Variants in EPHB6 observed in about 807,000 individuals in gnomAD.
EPHB6 encodes the protein EPH receptor B6.
In EPHB6, 51 loss-of-function variants were observed where a neutral mutation model predicts 107.0. The observed-to-expected ratio is 0.48, with a 90% CI of 0.38 to 0.60. The LOEUF (loss-of-function observed/expected upper bound fraction) is 0.60. Among genes scored for constraint, EPHB6 ranks in the 20% least tolerant of loss-of-function variants. The pLI is 0.00. For missense variants in EPHB6, 1,141 were observed against 1,355.5 expected (o/e 0.84, Z 2.48); for synonymous variants, 553 against 549.0 (o/e 1.01, Z -0.10).
chr7:142,856,036 G>A (rs770017733), intron 1 of EPHB6, among the ~76,000 whole-genome samples: 2 of 152,182 alleles, frequency 1.3e-5, no homozygotes, highest in Non-Finnish European at 2.9e-5. Context: ...TTGGCCGTCT[G>A]GCACCCTCTC....
rs776400991 is a variant in EPHB6 at position 142,870,869 on chromosome 7, C to T, written c.3034C>T (p.Gln1012Ter). The T allele has an allele frequency of 1.9e-6, 3 of 1,614,044 alleles. No homozygotes were observed. The highest frequency in any genetic ancestry group is 1.1e-5 in the South Asian group (1 of 91,080). The part of the protein sequence containing the change: ...KLLHHIQLLQ[Q>*]HLRQQGSVEV ...GCTGCACCACATCCAGCTCCTTCAG[C>T]AACACCTGAGGCAGCAGGGCTCAGT... is the stretch of plus-strand genomic sequence containing the variant. The change falls in exon 20 of 20, where the codon CAA becomes TAA. Residue 1012 changes from glutamine (Q) to a stop codon, truncating the protein, a stop_gained. Coordinates refer to ENST00000652003, the MANE Select transcript of EPHB6 (RefSeq NM_004445.6). LOFTEE classifies it high-confidence loss of function.
At position 142,864,394 on chromosome 7, in the gene EPHB6, A is replaced by G; in HGVS notation, c.594A>G (p.Lys198=). 1.2e-6 allele frequency: 2 copies of G among 1,612,908 alleles called. No individual in the cohort carries two copies. Among genetic ancestry groups the G allele is most frequent in the Non-Finnish European group, 1.7e-6 (2 of 1,179,662 alleles). Residue 198 remains lysine (K), a synonymous_variant, in exon 7 of 20, where the codon AAA becomes AAG. Coordinates refer to ENST00000652003, the MANE Select transcript of EPHB6 (RefSeq NM_004445.6). ...GGGCTGGACTGCAACTGAACGTCAA[A>G]GAGCGGAGCTTTGGGCCTCTCACCC... ...GQRAGLQLNV[K]ERSFGPLTQR...
rs1372945583 is a variant in EPHB6 at position 142,867,896 on chromosome 7, C to T, written c.1866-101C>T. The T allele has an allele frequency of 1.4e-5, 21 of 1,518,576 alleles. No homozygotes were observed. In the East Asian group the frequency reaches 4.9e-4, roughly 35 times the overall value. The allele number at this position is 1,518,576 out of a possible 1,614,324, so 94.1% of individuals were successfully genotyped here. Reference sequence around the variant, plus strand: ...GGGCAGGAGGGCCAGGCTGTCGTCCCCCCTCCACAGACCGACTAAAGAGCA... The same window carrying T: ...GGGCAGGAGGGCCAGGCTGTCGTCCTCCCTCCACAGACCGACTAAAGAGCA... On this transcript the variant is annotated intron_variant, in intron 12 of 19. Transcript: ENST00000652003. The surrounding 1 kb of genome is among the most constrained non-coding windows in gnomAD (Gnocchi z 5.3).
intron 1 of EPHB6, among the ~76,000 whole-genome samples, chr7:142,857,449 G>A (rs1051582127): frequency 6.6e-6 from 1 of 152,202 alleles, no homozygotes; most frequent in Admixed American, 6.5e-5. Context: ...AGAGGCTTTG[G>A]CATTAAACTG....
chr7:142,857,717 T>G (rs1802668516), intron 1 of EPHB6, among the ~76,000 whole-genome samples: 1 of 152,264 alleles, frequency 6.6e-6, no homozygotes. Context: ...CCCTTTACTA[T>G]GTGTTCCCAG....
In EPHB6 at chr7:142,869,290, G is replaced by T; in HGVS notation, c.2460+143G>T. 1 of 954,174 alleles carries T rather than the reference G, an allele frequency of 1.0e-6. No individual in the cohort carries two copies. The highest frequency in any genetic ancestry group is 1.6e-6 in the Non-Finnish European group (1 of 642,266). 59.1% of individuals were successfully genotyped at this position (954,174 alleles called of 1,614,324 possible). On this transcript the variant is annotated intron_variant, in intron 16 of 19. Transcript: ENST00000652003. The surrounding 1 kb of genome is among the most constrained non-coding windows in gnomAD (Gnocchi z 4.5). ...TGAAAGGAGGGAGGCTCTCCTGTGTGATGGGGAGATGAAAGCCTAGGCGAC... is the reference window on the plus strand; with the variant it reads ...TGAAAGGAGGGAGGCTCTCCTGTGTTATGGGGAGATGAAAGCCTAGGCGAC...
In EPHB6 at chr7:142,869,930, T is replaced by G; in HGVS notation, c.2574T>G (p.Tyr858Ter). The change falls in exon 17 of 20, where the codon TAT (tyrosine) becomes TAG (stop). Residue 858 changes from tyrosine (Y) to a stop codon, truncating the protein, a stop_gained. Coordinates refer to ENST00000652003, the MANE Select transcript of EPHB6 (RefSeq NM_004445.6). LOFTEE classifies it high-confidence loss of function. This position sits in a 1 kb window ranked among gnomAD's most constrained non-coding sequence, Gnocchi z 4.5. ...TACTCATGTGGGAAGTGATGAGTTATGGAGAACGGCCTTACTGGGACATGA... is the reference window on the plus strand; with the variant it reads ...TACTCATGTGGGAAGTGATGAGTTAGGGAGAACGGCCTTACTGGGACATGA... ...FGILMWEVMS[Y>*]GERPYWDMSE... 6.2e-7 allele frequency: 1 copy of G among 1,614,188 alleles called. No individual in the cohort carries two copies.
rs931160663 is a variant in EPHB6 at position 142,868,473 on chromosome 7, C to A, written c.2039-19C>A. 1 of 1,614,080 alleles carries A rather than the reference C, an allele frequency of 6.2e-7. No homozygotes were observed. The highest frequency in any genetic ancestry group is 1.7e-5 in the Admixed American group (1 of 60,026). ...CTGTGAGCCTTGATCCCCACCCCAA[C>A]CTACACCTATTTTCCCAGGCTCTTT... On this transcript the variant is annotated intron_variant, in intron 14 of 19. Transcript: ENST00000652003. The surrounding 1 kb of genome is among the most constrained non-coding windows in gnomAD (Gnocchi z 4.2).
At chr7:142,858,668 G>T (rs1285756576) in intron 1 of EPHB6, among the ~76,000 whole-genome samples, 1 of 148,034 alleles carries the variant, frequency 6.8e-6, no homozygotes, top group Non-Finnish European at 1.5e-5. Context: ...GGACGGTCTC[G>T]ATCTCCTGAT....
In EPHB6 at chr7:142,867,955, G is replaced by A. The variant is rs774476761; in HGVS notation, c.1866-42G>A. 9 of 1,553,386 alleles carry A rather than the reference G, an allele frequency of 5.8e-6. No individual in the cohort carries two copies. In the East Asian group the frequency reaches 1.9e-4, roughly 34 times the overall value. On this transcript the variant is annotated intron_variant, in intron 12 of 19. Coordinates refer to ENST00000652003, the MANE Select transcript of EPHB6 (RefSeq NM_004445.6). This position sits in a 1 kb window ranked among gnomAD's most constrained non-coding sequence, Gnocchi z 5.3. ...GGTGACAAGGGGGCAGCAAGGGGGT[G>A]GAAATGGGAGCGTCATCCCCAGTCA...
rs769469379 is a variant in EPHB6 at position 142,866,107 on chromosome 7, CCAG to C, written c.1255_1257del (p.Ser419del). ...GAGTGTGAAGGCCGCCAGGAACCTG[CCAG>C]CGGTGGTGGGGGCACTTGTCACCGC... On this transcript the variant is annotated inframe_deletion, in exon 9 of 20. Coordinates refer to ENST00000652003, the MANE Select transcript of EPHB6 (RefSeq NM_004445.6). The surrounding 1 kb of genome is among the most constrained non-coding windows in gnomAD (Gnocchi z 5.2). The C allele has an allele frequency of 6.6e-5, 107 of 1,612,772 alleles. No homozygotes were observed. Among genetic ancestry groups the C allele is most frequent in the Non-Finnish European group, 8.6e-5 (101 of 1,179,462 alleles).
chr7:142,865,543 C>T lies in EPHB6; in HGVS notation c.1018C>T (p.His340Tyr). 6.2e-7 allele frequency: 1 copy of T among 1,613,620 alleles called. No homozygotes were observed. The highest frequency in any genetic ancestry group is 8.5e-7 in the Non-Finnish European group (1 of 1,180,006). The change falls in exon 8 of 20, where the codon CAC becomes TAC. Residue 340 changes from histidine (H) to tyrosine (Y), a missense_variant. By Grantham distance (83) the His-to-Tyr change is moderately conservative (BLOSUM62 2). Around this residue, in one of 3 missense-constraint regions of EPHB6, gnomAD observed 304 missense variants for 295.7 expected, o/e 1.03. Transcript: ENST00000652003. ...CTGCTCACCATGCCCTGCCCGCAGT[C>T]ACGCTCCCAACCCAGCAGCCCCCGT... is the stretch of plus-strand genomic sequence containing the variant. ...APCSPCPARS[H>Y]APNPAAPVCP...
chr7:142,867,431 A>C lies in EPHB6; in HGVS notation c.1751-177A>C. 3.0e-6 allele frequency: 2 copies of C among 672,972 alleles called. No homozygotes were observed. The highest frequency in any genetic ancestry group is 4.2e-5 in the Admixed American group (2 of 47,986). 41.7% of individuals were successfully genotyped at this position (672,972 alleles called of 1,614,324 possible). A position where few individuals can be genotyped will look rare whatever the true frequency, so the allele number is the denominator to read the frequency against. ...GTGTGTTGTGTGTCCCTGTGTGTGG[A>C]TGTGGGAGGGCTGTGGGCGTGTGTG... is the stretch of plus-strand genomic sequence containing the variant. On this transcript the variant is annotated intron_variant, in intron 11 of 19. Coordinates refer to ENST00000652003, the MANE Select transcript of EPHB6 (RefSeq NM_004445.6). The surrounding 1 kb of genome is among the most constrained non-coding windows in gnomAD (Gnocchi z 5.3).
intron 1 of EPHB6, among the ~76,000 whole-genome samples, chr7:142,856,861 A>C (rs8177111): frequency 1.3e-5 from 2 of 152,190 alleles, no homozygotes; most frequent in Non-Finnish European, 2.9e-5. Context: ...AACAGCCCCC[A>C]TCTACACAGA....
chr7:142,870,169 T>C (rs1298114259), intron 17 of EPHB6, 45 bp from the exon 18 acceptor site: 2 of 1,612,738 alleles, frequency 1.2e-6, no homozygotes, highest in East Asian at 2.2e-5. Context: ...TACTCCCCTC[T>C]ACTAACAAAA....
At chr7:142,856,897 C>T (rs1802636771) in intron 1 of EPHB6, among the ~76,000 whole-genome samples, 1 of 152,204 alleles carries the variant, frequency 6.6e-6, no homozygotes, top group African/African-American at 2.4e-5. Flanking sequence ...CCCACCTCAT[C>T]TCATACACAT....
Position 142,870,820 on chromosome 7 carries a change from C to T in EPHB6, c.2985C>T (p.Thr995=). Reference sequence around the variant, plus strand: ...GAGACCTGCCTGCCCTGGGCATCACCCTGGCTGGCCACCAGAAGAAGCTGC... The same window carrying T: ...GAGACCTGCCTGCCCTGGGCATCACTCTGGCTGGCCACCAGAAGAAGCTGC... ...SLEDLPALGI[T]LAGHQKKLLH... The change falls in exon 20 of 20, where the codon ACC becomes ACT. Residue 995 remains threonine (T), a synonymous_variant. Transcript: ENST00000652003. The T allele has an allele frequency of 6.2e-7, 1 of 1,614,144 alleles. No individual in the cohort carries two copies. Among genetic ancestry groups the T allele is most frequent in the Non-Finnish European group, 8.5e-7 (1 of 1,179,996 alleles).
Position 142,868,205 on chromosome 7 carries a change from C to T in EPHB6, c.1919-36C>T, listed in dbSNP as rs755411143. ...GGGGTGCGCGGGCAGCCCTGCCTTT[C>T]ACAACACGCTCATAACATACTCCAC... On this transcript the variant is annotated intron_variant, in intron 13 of 19. Coordinates refer to ENST00000652003, the MANE Select transcript of EPHB6 (RefSeq NM_004445.6). This position sits in a 1 kb window ranked among gnomAD's most constrained non-coding sequence, Gnocchi z 4.2. 1 of 1,614,088 alleles carries T rather than the reference C, an allele frequency of 6.2e-7. No individual in the cohort carries two copies. The highest frequency in any genetic ancestry group is 1.1e-5 in the South Asian group (1 of 91,088).
chr7:142,858,362 G>C (rs1802694245), intron 1 of EPHB6, among the ~76,000 whole-genome samples: 1 of 149,818 alleles, frequency 6.7e-6, no homozygotes. Flanking sequence ...CATTTAATTG[G>C]AGCACGATTA....
Sources: gnomAD v4.1 joint callset for allele counts (sites outside exome capture counted in the v4.1 genomes callset) on GRCh38, gnomAD v4.1.1 for gene constraint, gnomAD v4.1.1 regional missense constraint, Gnocchi (gnomAD v3.1) non-coding constraint, MANE v1.5 for transcripts, NCBI Gene and HGNC (gene_info 2026-07-23, HGNC 2026-07-21) for gene names.